The following MALRD1 variants were observed in gnomAD, a reference collection of about 807,000 sequenced individuals.
MALRD1 encodes the protein MAM and LDL-receptor class A domain-containing protein 1.
A neutral mutation model predicts 242.1 loss-of-function variants in MALRD1; 247 were observed. The observed-to-expected ratio is 1.02, with a 90% CI of 0.92 to 1.13. The LOEUF (loss-of-function observed/expected upper bound fraction) is 1.13. MALRD1 is among the 50% of genes most tolerant of loss of function. MALRD1 has a pLI of 0.00. For synonymous variants in MALRD1, 995 were observed against 866.6 expected, an observed-to-expected ratio of 1.15 and a Z score of -2.60; for missense variants, 2,989 against 2,533.1, an observed-to-expected ratio of 1.18 and a Z score of -3.86.
At chr10:19,069,850 G>A (rs923569351) in intron 2 of MALRD1, among the ~76,000 whole-genome samples, 2 of 150,958 alleles carry the variant, frequency 1.3e-5, no homozygotes, top group African/African-American at 2.4e-5. Flanking sequence ...AAATTTTATC[G>A]TACTTATGTT....
chr10:19,420,249 A>G (rs1197714040), intron 28 of MALRD1, among the ~76,000 whole-genome samples: 1 of 152,090 alleles, frequency 6.6e-6, no homozygotes, highest in Non-Finnish European at 1.5e-5. Flanking sequence ...GGCAGGAAAA[A>G]TGTTTATGAC....
At chr10:19,115,836 A>C (rs1836852880) in intron 5 of MALRD1, among the ~76,000 whole-genome samples, 1 of 152,138 alleles carries the variant, frequency 6.6e-6, no homozygotes, top group Non-Finnish European at 1.5e-5. Context: ...AGATCACGGC[A>C]CTGCACTCCA....
intron 33 of MALRD1, among the ~76,000 whole-genome samples, chr10:19,570,500 T>C (rs1589251608): frequency 1.3e-5 from 2 of 152,074 alleles, no homozygotes; most frequent in East Asian, 3.9e-4. Flanking sequence ...CCTTTAGCAC[T>C]ATTACTAATA....
At chr10:19,429,709 A>G (rs149882775) in intron 28 of MALRD1, among the ~76,000 whole-genome samples, 298 of 152,204 alleles carry the variant, frequency 2.0e-3, no homozygotes, top group African/African-American at 6.7e-3. Context: ...CATACGTTCA[A>G]TTATCTTCAT....
chr10:19,321,601 T>G (rs1842917735), intron 21 of MALRD1, among the ~76,000 whole-genome samples: 1 of 152,166 alleles, frequency 6.6e-6, no homozygotes, highest in African/African-American at 2.4e-5. Context: ...TTCATCACCT[T>G]AAATATTTGT....
chr10:19,693,762 T>C (rs140843517), intron 38 of MALRD1, among the ~76,000 whole-genome samples: 2,824 of 152,182 alleles, frequency 0.019, 37 homozygotes, highest in Non-Finnish European at 0.03. Flanking sequence ...GAGCCCGCAT[T>C]GCCAAGTCAA....
Position 19,420,064 on chromosome 10 carries a change from C to A in MALRD1, c.4846-30243C>A, listed in dbSNP as rs567952858. Among the ~76,000 whole-genome samples the A allele has an allele frequency of 3.5e-4, 53 of 152,104 alleles. 1 individual carries two copies. Among genetic ancestry groups the A allele is most frequent in the Non-Finnish European group, 7.2e-4 (49 of 68,018 alleles). Reference sequence around the variant, plus strand: ...CAAGATACTTCTATAGAAGGTTGCACCCTTACAGAGGGAGCAGTGGAGCGC... The same window carrying A: ...CAAGATACTTCTATAGAAGGTTGCAACCTTACAGAGGGAGCAGTGGAGCGC... On this transcript the variant is annotated intron_variant, in intron 28 of 39. Coordinates refer to ENST00000454679, the MANE Select transcript of MALRD1 (RefSeq NM_001142308.3).
chr10:19,122,624 G>A (rs1837102248), intron 5 of MALRD1, among the ~76,000 whole-genome samples: 1 of 152,050 alleles, frequency 6.6e-6, no homozygotes, highest in African/African-American at 2.4e-5. Context: ...TATTTAGGAA[G>A]ATCAGAGGGA....
intron 14 of MALRD1, among the ~76,000 whole-genome samples, chr10:19,191,309 A>G (rs1488861734): frequency 6.6e-6 from 1 of 152,164 alleles, no homozygotes; most frequent in African/African-American, 2.4e-5. Flanking sequence ...ATAAAAACCA[A>G]AAACAAAACC....
chr10:19,123,617 A>C, intron 6 of MALRD1, 24 bp downstream of exon 6: 1 of 1,194,524 alleles, frequency 8.4e-7, no homozygotes, highest in Admixed American at 4.2e-5. Flanking sequence ...TGAGATATTC[A>C]CTTTTCTGGT....
intron 32 of MALRD1, among the ~76,000 whole-genome samples, chr10:19,562,922 A>G (rs1836055160): frequency 6.6e-6 from 1 of 152,168 alleles, no homozygotes; most frequent in Non-Finnish European, 1.5e-5. Flanking sequence ...CTGGCACCCC[A>G]TCCGTGGAAA....
chr10:19,468,834 A>C (rs903442283), intron 29 of MALRD1, among the ~76,000 whole-genome samples: 1 of 152,092 alleles, frequency 6.6e-6, no homozygotes, highest in African/African-American at 2.4e-5. Flanking sequence ...TTCTGATACT[A>C]ATGTTACCCA....
intron 18 of MALRD1, 75 bp from the exon 19 acceptor site, chr10:19,257,609 C>T (rs1016978589): frequency 4.1e-5 from 46 of 1,119,982 alleles, no homozygotes; most frequent in Non-Finnish European, 5.8e-5. Flanking sequence ...AATTCCTCTT[C>T]ATCCATTCCA....
At chr10:19,562,374 G>T (rs796637768) in intron 32 of MALRD1, among the ~76,000 whole-genome samples, 18 of 151,334 alleles carry the variant, frequency 1.2e-4, no homozygotes, top group African/African-American at 4.4e-4. Flanking sequence ...GATAGATAGA[G>T]AACTTGATGA....
At position 19,165,780 on chromosome 10, in the gene MALRD1, A is replaced by G; in HGVS notation, c.1800A>G (p.Ala600=). ...GCCACGCAAAAATTGATCTCATTGC[A>G]GAAGCGGGAGAATCTACTCTACCTT... ...QWSHAKIDLI[A]EAGESTLPFQ... Residue 600 remains alanine, a synonymous_variant, in exon 13 of 40, where the codon GCA becomes GCG. Transcript: ENST00000454679. 1 of 1,231,726 alleles carries G rather than the reference A, an allele frequency of 8.1e-7. No homozygotes were observed. Among genetic ancestry groups the G allele is most frequent in the Non-Finnish European group, 1.0e-6 (1 of 987,956 alleles). The allele number at this position is 1,231,726 out of a possible 1,614,324, so 76.3% of individuals were successfully genotyped here.
intron 34 of MALRD1, among the ~76,000 whole-genome samples, chr10:19,602,879 A>T (rs1316938625): frequency 6.6e-6 from 1 of 152,052 alleles, no homozygotes; most frequent in Non-Finnish European, 1.5e-5. Context: ...CTTTTTAATG[A>T]TCGCCATTCT....
At chr10:19,152,366 T>G (rs1833972635) in intron 11 of MALRD1, among the ~76,000 whole-genome samples, 1 of 152,188 alleles carries the variant, frequency 6.6e-6, no homozygotes, top group Non-Finnish European at 1.5e-5. Context: ...ATTGTCAACT[T>G]TCTAAATATT....
chr10:19,270,716 T>C (rs140865614), intron 19 of MALRD1, among the ~76,000 whole-genome samples: 99 of 152,010 alleles, frequency 6.5e-4, no homozygotes, highest in African/African-American at 2.1e-3. Flanking sequence ...AGGACAGATA[T>C]AATTTTCAGA....
intron 36 of MALRD1, among the ~76,000 whole-genome samples, chr10:19,617,575 T>C (rs561731456): frequency 6.6e-5 from 10 of 152,040 alleles, no homozygotes; most frequent in Non-Finnish European, 1.5e-4. Context: ...AAAAAAGTAA[T>C]ATATGTGGGT....
Sources: allele counts gnomAD v4.1 joint callset (sites outside exome capture counted in the v4.1 genomes callset), GRCh38; gene constraint gnomAD v4.1.1; transcripts MANE v1.5; gene names NCBI Gene and HGNC (gene_info 2026-07-23, HGNC 2026-07-21).